Variants in NCALD observed in about 807,000 individuals in gnomAD.
The protein encoded by NCALD is neurocalcin-delta.
NCALD carries 10 observed loss-of-function variants against 18.6 expected under a neutral mutation model. The ratio of observed to expected loss-of-function variants is 0.54; its 90% CI spans 0.33 to 0.91. The LOEUF is 0.91. Among genes scored for constraint, NCALD ranks in the 40% least tolerant of loss-of-function variants. The pLI is 0.03. For missense variants in NCALD, 184 were observed against 247.6 expected, an observed-to-expected ratio of 0.74 and a Z score of 1.72; for synonymous variants, 88 against 87.4, an observed-to-expected ratio of 1.01 and a Z score of -0.04.
intron 3 of NCALD, among the ~76,000 whole-genome samples, chr8:101,911,890 T>G (rs1168461668): frequency 6.6e-6 from 1 of 152,142 alleles, no homozygotes; most frequent in African/African-American, 2.4e-5. Flanking sequence ...AGACACAAGG[T>G]CTAATAAGGG....
chr8:101,951,273 T>C (rs1027202531), intron 2 of NCALD, among the ~76,000 whole-genome samples: 1 of 152,350 alleles, frequency 6.6e-6, no homozygotes, highest in African/African-American at 2.4e-5. Flanking sequence ...TTGGTATAAT[T>C]GTTACCTACA....
chr8:101,928,189 G>A lies in NCALD; in HGVS notation c.-156-12331C>T, dbSNP rs77257684. 3.3e-5 allele frequency among the ~76,000 whole-genome samples: 5 copies of A among 152,242 alleles called. No homozygotes were observed. In the East Asian group the frequency reaches 9.6e-4, roughly 29 times the overall value. Reference sequence around the variant, plus strand: ...TCTCTCAATGATCGCGCGATGTAGAGATTATGATGCTCATCTTCTAGGAAA... The same window carrying A: ...TCTCTCAATGATCGCGCGATGTAGAAATTATGATGCTCATCTTCTAGGAAA... On this transcript the variant is annotated intron_variant, in intron 2 of 6. Transcript: ENST00000311028.
Position 101,868,377 on chromosome 8 carries a change from CAGG to C in NCALD, c.-20+18761_-20+18763del, listed in dbSNP as rs1380354087. ...CCTGTTCAATTGGTCTGAGCTGAAGCAGGAGAATAGGGTCGGAAGGCAGGACAC... is the reference window on the plus strand; with the variant it reads ...CCTGTTCAATTGGTCTGAGCTGAAGCAGAATAGGGTCGGAAGGCAGGACAC... On this transcript the variant is annotated intron_variant, in intron 4 of 6. Transcript: ENST00000311028. Among the ~76,000 whole-genome samples, 4 of 152,128 alleles carry C rather than the reference CAGG, an allele frequency of 2.6e-5. No homozygotes were observed. The South Asian group carries it at 8.3e-4, about 32-fold the overall frequency.
At chr8:102,071,937 C>T (rs941892010) in intron 1 of NCALD, among the ~76,000 whole-genome samples, 4 of 152,098 alleles carry the variant, frequency 2.6e-5, no homozygotes, top group African/African-American at 7.2e-5. Context: ...GTCAAAACCC[C>T]AGCAGGTATT....
At chr8:102,024,237 T>C (rs1172919235) in intron 1 of NCALD, among the ~76,000 whole-genome samples, 4 of 152,216 alleles carry the variant, frequency 2.6e-5, no homozygotes, top group Admixed American at 1.3e-4. Context: ...CAAAGTCAAA[T>C]GTCTCTCAAA....
chr8:101,817,735 G>A (rs1044896681), intron 4 of NCALD, among the ~76,000 whole-genome samples: 5 of 152,106 alleles, frequency 3.3e-5, no homozygotes, highest in African/African-American at 1.2e-4. Flanking sequence ...CATTGTTCCC[G>A]ACAGGTCAGG....
intron 1 of NCALD, among the ~76,000 whole-genome samples, chr8:101,784,311 G>C (rs923595671): frequency 1.3e-5 from 2 of 152,068 alleles, no homozygotes; most frequent in African/African-American, 4.8e-5. Context: ...ATGGTGACTG[G>C]ATTCTAAGGG....
chr8:101,778,686 A>C (rs915951220), intron 1 of NCALD, among the ~76,000 whole-genome samples: 4 of 152,172 alleles, frequency 2.6e-5, no homozygotes, highest in Non-Finnish European at 5.9e-5. Context: ...ATGGGAAAAA[A>C]GTTAAGACCA....
chr8:101,970,230 C>G (rs1004400472), intron 2 of NCALD, among the ~76,000 whole-genome samples: 1 of 152,218 alleles, frequency 6.6e-6, no homozygotes, highest in Admixed American at 6.5e-5. Context: ...CTCTTTAATG[C>G]CTTCTACTTT....
chr8:102,111,091 T>C (rs1825626073), intron 1 of NCALD, among the ~76,000 whole-genome samples: 1 of 152,164 alleles, frequency 6.6e-6, no homozygotes, highest in South Asian at 2.1e-4. Context: ...GATTCTTTCT[T>C]CTTTCTAATT....
At chr8:102,039,421 C>A (rs564818199) in intron 1 of NCALD, among the ~76,000 whole-genome samples, 42 of 152,280 alleles carry the variant, frequency 2.8e-4, no homozygotes, top group African/African-American at 8.7e-4. Context: ...GTATCTATAA[C>A]ATTCACCCCA....
intron 1 of NCALD, among the ~76,000 whole-genome samples, chr8:101,725,610 G>A (rs747448777): frequency 2.0e-5 from 3 of 152,176 alleles, no homozygotes; most frequent in Non-Finnish European, 2.9e-5. Context: ...ACTGCTAAAA[G>A]AGCATTAATT....
chr8:102,020,574 G>T (rs188837187), intron 1 of NCALD, among the ~76,000 whole-genome samples: 1 of 152,096 alleles, frequency 6.6e-6, no homozygotes, highest in South Asian at 2.1e-4. Flanking sequence ...GCTATTGTCC[G>T]CTTATCCCAC....
chr8:101,777,990 G>A (rs1255314812), intron 1 of NCALD, among the ~76,000 whole-genome samples: 2 of 152,178 alleles, frequency 1.3e-5, no homozygotes, highest in Non-Finnish European at 2.9e-5. Flanking sequence ...GAGCCATAGG[G>A]AGAAGGAACA....
intron 1 of NCALD, among the ~76,000 whole-genome samples, chr8:101,749,681 C>T (rs1188244166): frequency 6.6e-6 from 1 of 152,132 alleles, no homozygotes. Context: ...AAACTACTGC[C>T]CTTCCCCCTA....
rs181013036 is a variant in NCALD, at chr8:101,849,866, A to T, written c.-20+37275T>A. Among the ~76,000 whole-genome samples, 274 of 152,332 alleles carry T rather than the reference A, an allele frequency of 1.8e-3. 1 individual carries two copies. Among genetic ancestry groups the T allele is most frequent in the Non-Finnish European group, 3.2e-3 (220 of 68,024 alleles). On this transcript the variant is annotated intron_variant, in intron 4 of 6. Transcript: ENST00000311028. ...GGCTCTGAGCAAGGGAAGACAATGAATTCACACTGAAGACGGGGGCCCTTC... is the reference window on the plus strand; with the variant it reads ...GGCTCTGAGCAAGGGAAGACAATGATTTCACACTGAAGACGGGGGCCCTTC...
At chr8:101,934,668 A>AT (rs72544655) in intron 2 of NCALD, among the ~76,000 whole-genome samples, 94,902 of 151,792 alleles carry the variant, frequency 0.63, 29,916 homozygotes, top group African/African-American at 0.69. Context: ...GTTTTATTAG[A>AT]TATGACAGGA....
intron 4 of NCALD, among the ~76,000 whole-genome samples, chr8:101,816,897 G>C (rs1420202629): frequency 1.3e-5 from 2 of 152,034 alleles, no homozygotes; most frequent in African/African-American, 4.8e-5. Flanking sequence ...GTGGGGGCAG[G>C]GGTAAATGAG....
intron 1 of NCALD, among the ~76,000 whole-genome samples, chr8:102,080,582 C>A (rs1305793492): frequency 3.3e-5 from 5 of 152,116 alleles, no homozygotes; most frequent in African/African-American, 9.7e-5. Flanking sequence ...ACAGGTGTTC[C>A]CACTCATCAA....
Sources: allele counts gnomAD v4.1 joint callset (sites outside exome capture counted in the v4.1 genomes callset), GRCh38; gene constraint gnomAD v4.1.1; transcripts MANE v1.5; gene names NCBI Gene and HGNC (gene_info 2026-07-23, HGNC 2026-07-21).